The following ROR1 variants were observed in gnomAD, a reference collection of about 807,000 sequenced individuals.
ROR1 encodes the protein ROR family WNT receptor 1, also known as inactive tyrosine-protein kinase transmembrane receptor ROR1.
A neutral mutation model predicts 78.8 loss-of-function variants in ROR1; 19 were observed. The ratio of observed to expected loss-of-function variants is 0.24; its 90% CI spans 0.17 to 0.35. The LOEUF (loss-of-function observed/expected upper bound fraction) is 0.35, where lower values mean the gene tolerates loss of function less well. Ranked by LOEUF, ROR1 falls within the 10% of genes least tolerant of loss-of-function variation. The probability of loss-of-function intolerance (pLI) is 1.00; values close to 1 mark genes in which losing one functional copy is unlikely to be tolerated. For synonymous variants in ROR1, 386 were observed against 433.6 expected, an observed-to-expected ratio of 0.89 and a Z score of 1.36; for missense variants, 917 against 1,177.8, an observed-to-expected ratio of 0.78 and a Z score of 3.24.
chr1:64,071,847 A>G (rs1427661025), intron 4 of ROR1, among the ~76,000 whole-genome samples: 1 of 152,152 alleles, frequency 6.6e-6, no homozygotes, highest in Non-Finnish European at 1.5e-5. Context: ...GGATGAAGCA[A>G]TTAGCCATGT....
chr1:64,102,210 G>A (rs1461515525), intron 4 of ROR1, among the ~76,000 whole-genome samples: 4 of 152,122 alleles, frequency 2.6e-5, no homozygotes, highest in Non-Finnish European at 4.4e-5. Flanking sequence ...TAACAGCTCC[G>A]CTTAGCAGCA....
At chr1:64,107,065 T>A (rs1262659866) in intron 4 of ROR1, 1 of 152,396 alleles carries the variant, frequency 6.6e-6, no homozygotes, top group Non-Finnish European at 1.5e-5. Context: ...GATAACACTT[T>A]CCTCACATGA....
At chr1:64,040,312 T>C (rs1646736247) in intron 2 of ROR1, among the ~76,000 whole-genome samples, 1 of 152,220 alleles carries the variant, frequency 6.6e-6, no homozygotes, top group Non-Finnish European at 1.5e-5. Context: ...TAAAAGACTT[T>C]GGTCATATTA....
chr1:63,991,852 T>A (rs950169017), intron 1 of ROR1, among the ~76,000 whole-genome samples: 1 of 152,216 alleles, frequency 6.6e-6, no homozygotes, highest in Non-Finnish European at 1.5e-5. Flanking sequence ...CTAATGTGGT[T>A]GTCATGAAAT....
rs1246525380 is a variant in ROR1, at chr1:64,010,082, G to C, written c.163+706G>C. Among the ~76,000 whole-genome samples, 7 of 151,962 alleles carry C rather than the reference G, an allele frequency of 4.6e-5. No homozygotes were observed. The East Asian group carries it at 9.7e-4, about 21-fold the overall frequency. On this transcript the variant is annotated intron_variant, in intron 2 of 8. Transcript: ENST00000371079. ...ACATCCTGTGCTTTTCTGCCTCTCT[G>C]CTCTCACCTTTTCACCTGGATTGCC...
chr1:64,163,267 A>ACACACAC (rs1649997042), intron 8 of ROR1, among the ~76,000 whole-genome samples: 1 of 130,868 alleles, frequency 7.6e-6, no homozygotes, highest in African/African-American at 2.8e-5. Flanking sequence ...ACACACACAC[A>ACACACAC]ATTCGCCAGG....
At chr1:63,899,850 G>T (rs1347258251) in intron 1 of ROR1, among the ~76,000 whole-genome samples, 1 of 151,756 alleles carries the variant, frequency 6.6e-6, no homozygotes, top group Non-Finnish European at 1.5e-5. Context: ...GTTACTCTTG[G>T]TTTTAAATAT....
intron 4 of ROR1, among the ~76,000 whole-genome samples, chr1:64,068,759 T>G (rs1022434660): frequency 1.3e-5 from 2 of 152,182 alleles, no homozygotes; most frequent in Admixed American, 1.3e-4. Context: ...CATACCTAAC[T>G]GAAATTCTTT....
chr1:63,919,164 G>A (rs1431530175), intron 1 of ROR1, among the ~76,000 whole-genome samples: 1 of 152,066 alleles, frequency 6.6e-6, no homozygotes, highest in Non-Finnish European at 1.5e-5. Context: ...TTAAAAAAAT[G>A]CCTCATTTTT....
At chr1:64,038,332 C>T (rs1646719892) in intron 2 of ROR1, among the ~76,000 whole-genome samples, 1 of 152,132 alleles carries the variant, frequency 6.6e-6, no homozygotes, top group Non-Finnish European at 1.5e-5. Flanking sequence ...ACCTCAGTAA[C>T]CTTGGCCAGC....
rs1491048799 is a variant in ROR1 at position 64,079,848 on chromosome 1, T to TC, written c.482+29132_482+29133insC. Among the ~76,000 whole-genome samples, 131 of 151,876 alleles carry TC rather than the reference T, an allele frequency of 8.6e-4. 1 individual carries two copies. The highest frequency in any genetic ancestry group is 3.1e-3 in the African/African-American group (130 of 41,380). The stretch of plus-strand genomic sequence containing the variant: ...GTGGAAACAATCTTGATTTTTTTTT[T>TC]TATTCCAGGAGGATTTTTGTTAAGA... On this transcript the variant is annotated intron_variant, in intron 4 of 8. Coordinates refer to ENST00000371079, the MANE Select transcript of ROR1 (RefSeq NM_005012.4).
intron 1 of ROR1, among the ~76,000 whole-genome samples, chr1:63,926,871 C>A (rs2100437989): frequency 1.1e-5 from 1 of 91,592 alleles, no homozygotes; most frequent in African/African-American, 3.2e-5. Context: ...TATCCTGAGA[C>A]TTTGCTGAAG....
chr1:64,151,254 A>G (rs1238735007), intron 7 of ROR1, among the ~76,000 whole-genome samples: 2 of 152,136 alleles, frequency 1.3e-5, no homozygotes, highest in Non-Finnish European at 2.9e-5. Context: ...GACTGAAGAG[A>G]GGGCTGTCCA....
At chr1:63,890,380 A>T (rs1384588636) in intron 1 of ROR1, among the ~76,000 whole-genome samples, 2 of 150,978 alleles carry the variant, frequency 1.3e-5, no homozygotes, top group Non-Finnish European at 2.9e-5. Context: ...TTACTCATTT[A>T]ACACTTATTT....
rs1358517242 is a variant in ROR1 at position 63,846,124 on chromosome 1, G to GAA, written c.91+71616_91+71617insAA. On this transcript the variant is annotated intron_variant, in intron 1 of 8. Coordinates refer to ENST00000371079, the MANE Select transcript of ROR1 (RefSeq NM_005012.4). ...TTTGACAGAGAGAGAGAGAATGTGT[G>GAA]TGTGTGTGTGTGTGTGTGTGTGTGT... Among the ~76,000 whole-genome samples the GAA allele has an allele frequency of 9.5e-4, 20 of 21,036 alleles. No homozygotes were observed. In the African/African-American group the frequency reaches 0.019, roughly 20 times the overall value. The allele number at this position is 21,036 out of a possible 152,430, so 13.8% of individuals were successfully genotyped here.
intron 2 of ROR1, among the ~76,000 whole-genome samples, chr1:64,030,514 G>A (rs889456866): frequency 1.3e-5 from 2 of 152,118 alleles, no homozygotes; most frequent in African/African-American, 2.4e-5. Flanking sequence ...TCCAAAAAGT[G>A]TAAAGATCTG....
At chr1:64,008,443 T>C (rs1646447719) in intron 1 of ROR1, among the ~76,000 whole-genome samples, 1 of 152,184 alleles carries the variant, frequency 6.6e-6, no homozygotes, top group African/African-American at 2.4e-5. Context: ...GGTGTCTTTT[T>C]GGTAGAATAA....
At chr1:63,997,976 A>G (rs1046353233) in intron 1 of ROR1, among the ~76,000 whole-genome samples, 5 of 152,134 alleles carry the variant, frequency 3.3e-5, no homozygotes, top group African/African-American at 1.2e-4. Context: ...TATTATGCCC[A>G]TTTTATGAAT....
chr1:64,035,942 G>C (rs961616482), intron 2 of ROR1, among the ~76,000 whole-genome samples: 1 of 152,132 alleles, frequency 6.6e-6, no homozygotes, highest in African/African-American at 2.4e-5. Flanking sequence ...CCTGTTGCAT[G>C]TAATCAAAGA....
Sources: gnomAD v4.1 joint callset for allele counts (sites outside exome capture counted in the v4.1 genomes callset) on GRCh38, gnomAD v4.1.1 for gene constraint, MANE v1.5 for transcripts, NCBI Gene and HGNC (gene_info 2026-07-23, HGNC 2026-07-21) for gene names.